PADI6: variants seen among roughly 807,000 people sequenced by gnomAD.
PADI6 encodes peptidyl arginine deiminase 6, also known as inactive protein-arginine deiminase type-6.
A neutral mutation model predicts 78.2 loss-of-function variants in PADI6; 66 were observed. The observed-to-expected ratio is 0.84, with a 90% CI of 0.69 to 1.04. The LOEUF is 1.04. Among genes scored for constraint, PADI6 ranks in the 50% least tolerant of loss-of-function variants. The pLI is 0.00. For missense variants in PADI6, 854 were observed against 866.1 expected (o/e 0.99, Z 0.18); for synonymous variants, 397 against 346.9 (o/e 1.14, Z -1.60).
intron 4 of PADI6, among the ~76,000 whole-genome samples, chr1:17,380,561 A>C (rs1272145448): frequency 6.6e-6 from 1 of 152,040 alleles, no homozygotes; most frequent in Non-Finnish European, 1.5e-5. Context: ...AGTAGAGACG[A>C]GGTTTCACTG....
At chr1:17,376,388 C>T (rs1343422622) in intron 3 of PADI6, among the ~76,000 whole-genome samples, 1 of 151,980 alleles carries the variant, frequency 6.6e-6, no homozygotes, top group African/African-American at 2.4e-5. Flanking sequence ...CCCATTCCAC[C>T]TCCCAGGTTC....
chr1:17,376,437 C>CT lies in PADI6; in HGVS notation c.367+939dup, dbSNP rs1269296949. On this transcript the variant is annotated intron_variant, in intron 3 of 15. Coordinates refer to ENST00000619609, the MANE Select transcript of PADI6 (RefSeq NM_207421.4). ...GCCTCAGCCTCCCGAGTAGCTGGGA[C>CT]TATAGGTACCCGCCACCATGCCCGG... 3.3e-5 allele frequency among the ~76,000 whole-genome samples: 5 copies of CT among 152,100 alleles called. No individual in the cohort carries two copies. In the East Asian group the frequency reaches 5.8e-4, roughly 18 times the overall value.
intron 8 of PADI6, among the ~76,000 whole-genome samples, chr1:17,389,174 A>G (rs974889348): frequency 6.6e-6 from 1 of 152,178 alleles, no homozygotes; most frequent in Non-Finnish European, 1.5e-5. Context: ...AGAGGTCAGG[A>G]TGAGAACCTG....
chr1:17,376,425 G>C (rs1456744446), intron 3 of PADI6, among the ~76,000 whole-genome samples: 2 of 151,580 alleles, frequency 1.3e-5, no homozygotes, highest in Non-Finnish European at 2.9e-5. Context: ...TCAGCCTCCC[G>C]AGTAGCTGGG....
chr1:17,386,825 G>A (rs1004300916), intron 6 of PADI6, among the ~76,000 whole-genome samples: 10 of 152,228 alleles, frequency 6.6e-5, no homozygotes, highest in African/African-American at 1.7e-4. Context: ...GCAAGAGGCC[G>A]AGGACCCAGG....
chr1:17,372,331 T>C lies in PADI6; in HGVS notation c.86T>C (p.Leu29Ser). ...LDSPVHAVCVLGTEICLDLSG... is the reference protein window; with the variant it reads ...LDSPVHAVCVSGTEICLDLSG... ...AGCCCTGTCCATGCCGTTTGTGTGT[T>C]GGGCACAGAAATCTGCTTGGATCTC... The change falls in exon 1 of 16, where the codon TTG becomes TCG. Residue 29 changes from leucine (L) to serine (S), a missense_variant. Coordinates refer to ENST00000619609, the MANE Select transcript of PADI6 (RefSeq NM_207421.4). 1 of 1,613,974 alleles carries C rather than the reference T, an allele frequency of 6.2e-7. No homozygotes were observed. Among genetic ancestry groups the C allele is most frequent in the East Asian group, 2.2e-5 (1 of 44,856 alleles).
Position 17,395,597 on chromosome 1 carries a change from CAGA to C in PADI6, c.1555_1557del (p.Lys519del). The C allele has an allele frequency of 6.3e-7, 1 of 1,597,242 alleles. No individual in the cohort carries two copies. The highest frequency in any genetic ancestry group is 1.1e-5 in the South Asian group (1 of 88,266). ...CTGCTATAAACTGTTCCGAGAGAAA[CAGA>C]AGGAAGGCTATGGCGACGCTCTTCT... On this transcript the variant is annotated inframe_deletion, in exon 13 of 16. Transcript: ENST00000619609.
chr1:17,377,871 G>A (rs1453498552), intron 3 of PADI6, among the ~76,000 whole-genome samples: 3 of 152,234 alleles, frequency 2.0e-5, no homozygotes, highest in African/African-American at 7.2e-5. Flanking sequence ...ATCTTTAAGT[G>A]GAATATTGGA....
At chr1:17,385,995 T>C (rs2100303362) in intron 6 of PADI6, among the ~76,000 whole-genome samples, 1 of 152,278 alleles carries the variant, frequency 6.6e-6, no homozygotes, top group South Asian at 2.1e-4. Flanking sequence ...CTACGACAGA[T>C]GGACAGACAG....
chr1:17,385,606 T>C (rs1171538939), intron 6 of PADI6, among the ~76,000 whole-genome samples: 1 of 152,140 alleles, frequency 6.6e-6, no homozygotes, highest in African/African-American at 2.4e-5. Flanking sequence ...CCCAGGTTCA[T>C]TGAAATAAGG....
chr1:17,374,204 C>T (rs76764892), intron 2 of PADI6, among the ~76,000 whole-genome samples: 24,579 of 151,812 alleles, frequency 0.16, 2,121 homozygotes, highest in East Asian at 0.27. Flanking sequence ...GCTCTCCCTC[C>T]CTCCCCCCAC....
At position 17,395,081 on chromosome 1, in the gene PADI6, A is replaced by G; in HGVS notation, c.1468A>G (p.Thr490Ala). The change falls in exon 12 of 16, where the codon ACA becomes GCA. Residue 490 changes from threonine (T) to alanine (A), a missense_variant. Thr to Ala is a moderately conservative substitution (Grantham distance 58). Transcript: ENST00000619609. ...GGATGAGTTCATGTGCTTCATCCCC[A>G]CAGATGACAAGAATGAGGGCAAAAA... is the stretch of plus-strand genomic sequence containing the variant. ...HVDEFMCFIP[T>A]DDKNEGKKGF... is the part of the protein sequence containing the mutation. 1.2e-6 allele frequency: 2 copies of G among 1,614,000 alleles called. No individual in the cohort carries two copies. Among genetic ancestry groups the G allele is most frequent in the South Asian group, 1.1e-5 (1 of 91,074 alleles).
At position 17,400,561 on chromosome 1, in the gene PADI6, C is replaced by T. The variant is rs144373760; in HGVS notation, c.1852-644C>T. ...AATTCTGTTCCTACTTATTCTAAAC[C>T]AGAAGTTATAGTCAAGAGTGGGGCT... On this transcript the variant is annotated intron_variant, in intron 15 of 15. Coordinates refer to ENST00000619609, the MANE Select transcript of PADI6 (RefSeq NM_207421.4). Among the ~76,000 whole-genome samples, 37 of 152,236 alleles carry T rather than the reference C, an allele frequency of 2.4e-4. 3 individuals are homozygous for T. In the East Asian group the frequency reaches 7.1e-3, roughly 29 times the overall value.
Position 17,384,129 on chromosome 1 carries a change from T to G in PADI6, c.679+2037T>G, listed in dbSNP as rs571051223. 1.5e-4 allele frequency among the ~76,000 whole-genome samples: 22 copies of G among 150,010 alleles called. No individual in the cohort carries two copies. In the South Asian group the frequency reaches 4.4e-3, roughly 30 times the overall value. On this transcript the variant is annotated intron_variant, in intron 6 of 15. Coordinates refer to ENST00000619609, the MANE Select transcript of PADI6 (RefSeq NM_207421.4). ...CTGCACTCCAGCCTAGGTGACAGAG[T>G]GGGACTCTGTCTCAAAAAAAAAAAC...
chr1:17,386,786 C>G (rs1039460246), intron 6 of PADI6, among the ~76,000 whole-genome samples: 2 of 152,172 alleles, frequency 1.3e-5, no homozygotes, highest in African/African-American at 4.8e-5. Context: ...CAGAGTCCAT[C>G]GGGAGGGCTG....
intron 11 of PADI6, 116 bp from the exon 12 acceptor site, chr1:17,394,835 C>T (rs1195365777): frequency 4.0e-6 from 5 of 1,252,924 alleles, no homozygotes; most frequent in Non-Finnish European, 5.4e-6. Context: ...TATGGACCGG[C>T]CTCTTTCACA....
rs369441683 is a variant in PADI6, at chr1:17,388,449, G to A, written c.748G>A (p.Gly250Arg). The change falls in exon 7 of 16, where the codon GGG becomes AGG. Residue 250 changes from glycine to arginine, a missense_variant. Physicochemically the swap from Gly to Arg is moderately radical, Grantham distance 125. Coordinates refer to ENST00000619609, the MANE Select transcript of PADI6 (RefSeq NM_207421.4). ...GCACGCCTATACCTTGGCCCTCCTC[G>A]GGAACCACTTGAAGGAGACTTTCTA... Reference protein sequence around the residue: ...DQHAYTLALLGNHLKETFYVE... With the variant: ...DQHAYTLALLRNHLKETFYVE... 18 of 1,613,626 alleles carry A rather than the reference G, an allele frequency of 1.1e-5. No individual in the cohort carries two copies. Among genetic ancestry groups the A allele is most frequent in the Admixed American group, 8.3e-5 (5 of 59,964 alleles).
chr1:17,377,230 C>T (rs1032242913), intron 3 of PADI6, among the ~76,000 whole-genome samples: 6 of 152,144 alleles, frequency 3.9e-5, no homozygotes, highest in Non-Finnish European at 8.8e-5. Context: ...TCAAGTGATC[C>T]TCCCGCCTCA....
chr1:17,401,182 C>T (rs770326893), intron 15 of PADI6, 23 bp from the exon 16 acceptor site: 1 of 1,610,624 alleles, frequency 6.2e-7, no homozygotes, highest in Non-Finnish European at 8.5e-7. Context: ...GTCCAGGCCT[C>T]ACCCACCCTG....
Sources: allele counts gnomAD v4.1 joint callset (sites outside exome capture counted in the v4.1 genomes callset), GRCh38; gene constraint gnomAD v4.1.1; transcripts MANE v1.5; gene names NCBI Gene and HGNC (gene_info 2026-07-23, HGNC 2026-07-21).